Variants in UHRF2 observed in about 807,000 individuals in gnomAD.
UHRF2 encodes ubiquitin like with PHD and ring finger domains 2.
Under a neutral mutation model 96.8 loss-of-function variants are expected in UHRF2, and 23 were observed. The observed-to-expected ratio is 0.24, with a 90% CI of 0.17 to 0.34. The LOEUF is 0.34. UHRF2 is among the 10% of genes least tolerant of loss of function. The probability of loss-of-function intolerance (pLI) is 1.00; values close to 1 mark genes in which losing one functional copy is unlikely to be tolerated. For synonymous variants in UHRF2, 385 were observed against 332.6 expected (o/e 1.16, Z -1.72); for missense variants, 685 against 981.5 (o/e 0.70, Z 4.04).
intron 1 of UHRF2, among the ~76,000 whole-genome samples, chr9:6,414,699 A>G (rs1437899648): frequency 6.6e-6 from 1 of 152,228 alleles, no homozygotes; most frequent in African/African-American, 2.4e-5. Flanking sequence ...GAAGTAGCCT[A>G]CAGTTGCAAA....
At position 6,421,158 on chromosome 9, in the gene UHRF2, C is replaced by T. The variant is rs1365362210; in HGVS notation, c.384+16C>T. The T allele has an allele frequency of 2.6e-6, 4 of 1,556,106 alleles. No homozygotes were observed. Among genetic ancestry groups the T allele is most frequent in the African/African-American group, 1.4e-5 (1 of 73,390 alleles). On this transcript the variant is annotated intron_variant, in intron 2 of 15. Coordinates refer to ENST00000276893, the MANE Select transcript of UHRF2 (RefSeq NM_152896.3). ...AATATATAAGGTATGTTGTTTTCTT[C>T]AGACTTACTGTTGTGAGAATACAAA...
chr9:6,413,474 C>T lies in UHRF2; in HGVS notation c.-17C>T, dbSNP rs199946730. On this transcript the variant is annotated 5_prime_UTR_variant, in exon 1 of 16. Transcript: ENST00000276893. Reference sequence around the variant, plus strand: ...CAGGGGGAGACAAAGGGGACCGGTTCCTCTCTAGGCGCCAAGATGTGGATA... The same window carrying T: ...CAGGGGGAGACAAAGGGGACCGGTTTCTCTCTAGGCGCCAAGATGTGGATA... 1.3e-6 allele frequency: 2 copies of T among 1,525,786 alleles called. No individual in the cohort carries two copies. The highest frequency in any genetic ancestry group is 2.7e-5 in the East Asian group (1 of 37,178). 94.5% of individuals were successfully genotyped at this position (1,525,786 alleles called of 1,614,324 possible).
intron 9 of UHRF2, among the ~76,000 whole-genome samples, chr9:6,487,901 A>G (rs541982684): frequency 6.6e-6 from 1 of 152,316 alleles, no homozygotes; most frequent in South Asian, 2.1e-4. Flanking sequence ...TTTTAAAATT[A>G]AACTTACTAT....
Position 6,495,681 on chromosome 9 carries a change from G to C in UHRF2, c.1605-1517G>C, listed in dbSNP as rs560157156. On this transcript the variant is annotated intron_variant, in intron 10 of 15. Transcript: ENST00000276893. ...CACCTGACTGGCTGAGTGGCAGATA[G>C]ATTAATGGAGGAGCTTTGTTGCTGT... 6.6e-5 allele frequency: 10 copies of C among 152,296 alleles called. No individual in the cohort carries two copies. The East Asian group carries it at 1.3e-3, about 21-fold the overall frequency. 9.4% of individuals were successfully genotyped at this position (152,296 alleles called of 1,614,324 possible).
chr9:6,443,712 A>G (rs1219439544), intron 3 of UHRF2, among the ~76,000 whole-genome samples: 1 of 152,232 alleles, frequency 6.6e-6, no homozygotes, highest in East Asian at 1.9e-4. Context: ...CTTAAACCAA[A>G]TAGGTTCAAC....
intron 3 of UHRF2, among the ~76,000 whole-genome samples, chr9:6,457,868 G>A (rs1216920082): frequency 6.6e-6 from 1 of 152,202 alleles, no homozygotes; most frequent in African/African-American, 2.4e-5. Context: ...TTTTGATCGT[G>A]GTGGATAAGC....
At chr9:6,450,913 AT>A (rs142882885) in intron 3 of UHRF2, among the ~76,000 whole-genome samples, 2,689 of 152,268 alleles carry the variant, frequency 0.018, 74 homozygotes, top group African/African-American at 0.062. Flanking sequence ...GCTTACTGAT[AT>A]GTGTTTGGTC....
At chr9:6,496,735 C>T (rs1263383273) in intron 10 of UHRF2, 1 of 152,876 alleles carries the variant, frequency 6.5e-6, no homozygotes, top group Non-Finnish European at 1.5e-5. Flanking sequence ...GAAAGTAGAC[C>T]TGGGAAGGTC....
intron 15 of UHRF2, 112 bp downstream of exon 15, chr9:6,504,803 A>G (rs142669690): frequency 1.4e-6 from 1 of 725,392 alleles, no homozygotes. Flanking sequence ...TAGTTGCGGA[A>G]CCTTCTAGTT....
intron 3 of UHRF2, among the ~76,000 whole-genome samples, chr9:6,448,779 G>C (rs1821674554): frequency 6.6e-6 from 1 of 152,228 alleles, no homozygotes; most frequent in Admixed American, 6.5e-5. Context: ...GTGGTAGGTT[G>C]TGGCAGTAGA....
chr9:6,448,759 A>AG (rs1242304039), intron 3 of UHRF2, among the ~76,000 whole-genome samples: 1 of 152,206 alleles, frequency 6.6e-6, no homozygotes, highest in Non-Finnish European at 1.5e-5. Flanking sequence ...GAGTAACAGG[A>AG]GTTAAGAATG....
At chr9:6,436,073 C>T (rs989315309) in intron 3 of UHRF2, among the ~76,000 whole-genome samples, 1 of 152,152 alleles carries the variant, frequency 6.6e-6, no homozygotes, top group Non-Finnish European at 1.5e-5. Context: ...GACCTTAAGT[C>T]ACTAATCAAG....
At chr9:6,479,846 C>G (rs1823818510) in intron 6 of UHRF2, among the ~76,000 whole-genome samples, 1 of 152,190 alleles carries the variant, frequency 6.6e-6, no homozygotes, top group Non-Finnish European at 1.5e-5. Context: ...TAATATTTCT[C>G]CATTCTCACC....
chr9:6,486,800 C>G lies in UHRF2; in HGVS notation c.1393-21C>G, dbSNP rs1012663603. The G allele has an allele frequency of 2.5e-6, 4 of 1,610,352 alleles. No homozygotes were observed. The South Asian group carries it at 3.3e-5, about 13-fold the overall frequency. ...TTAACTGTTCAGAGGTATTTTGAGA[C>G]TCTCTTTAATTGTTTTATAGGTGAG... On this transcript the variant is annotated intron_variant, in intron 8 of 15. Transcript: ENST00000276893.
intron 1 of UHRF2, among the ~76,000 whole-genome samples, chr9:6,416,334 C>T (rs970992574): frequency 6.6e-6 from 1 of 152,106 alleles, no homozygotes; most frequent in African/African-American, 2.4e-5. Context: ...TCCCAAAGTG[C>T]TGGGATTACA....
intron 3 of UHRF2, among the ~76,000 whole-genome samples, chr9:6,438,286 A>G (rs1032495594): frequency 1.3e-5 from 2 of 152,192 alleles, no homozygotes; most frequent in Non-Finnish European, 2.9e-5. Context: ...GCCATTTTCA[A>G]CCATAGATGG....
intron 3 of UHRF2, among the ~76,000 whole-genome samples, chr9:6,435,904 C>G (rs773084881): frequency 6.6e-6 from 1 of 152,158 alleles, no homozygotes; most frequent in South Asian, 2.1e-4. Context: ...CCACCACGAC[C>G]GGCCCAAAAT....
chr9:6,458,342 C>T (rs1480376530), intron 3 of UHRF2, among the ~76,000 whole-genome samples: 2 of 151,958 alleles, frequency 1.3e-5, no homozygotes, highest in Non-Finnish European at 2.9e-5. Context: ...GGTGATATCC[C>T]CTTTATCATT....
chr9:6,471,807 C>G (rs544883413), intron 4 of UHRF2, among the ~76,000 whole-genome samples: 2 of 152,218 alleles, frequency 1.3e-5, no homozygotes, highest in African/African-American at 4.8e-5. Flanking sequence ...GGTTAAAGCT[C>G]CATTCCAGGA....
Sources: allele counts gnomAD v4.1 joint callset (sites outside exome capture counted in the v4.1 genomes callset), GRCh38; gene constraint gnomAD v4.1.1; transcripts MANE v1.5; gene names NCBI Gene and HGNC (gene_info 2026-07-23, HGNC 2026-07-21).